Variants in CCDC171 observed in about 807,000 individuals in gnomAD.
CCDC171 encodes coiled-coil domain-containing protein 171.
Under a neutral mutation model 168.2 loss-of-function variants are expected in CCDC171, and 177 were observed. The observed-to-expected ratio is 1.05, with a 90% CI of 0.93 to 1.19. The LOEUF (loss-of-function observed/expected upper bound fraction) is 1.19. CCDC171 is among the 50% of genes most tolerant of loss of function. CCDC171 has a pLI of 0.00. For synonymous variants in CCDC171, 687 were observed against 540.8 expected (o/e 1.27, Z -3.75); for missense variants, 1,991 against 1,539.0 (o/e 1.29, Z -4.91).
chr9:15,629,677 C>T (rs537220792), intron 7 of CCDC171, among the ~76,000 whole-genome samples: 52 of 152,166 alleles, frequency 3.4e-4, no homozygotes, highest in Middle Eastern at 6.8e-3. Flanking sequence ...ATACAGAGAA[C>T]GCCACAAAGA....
chr9:15,918,177 A>G (rs183487240), intron 24 of CCDC171, among the ~76,000 whole-genome samples: 1 of 151,576 alleles, frequency 6.6e-6, no homozygotes, highest in African/African-American at 2.4e-5. Flanking sequence ...AAACTAGATT[A>G]AAAAAAGTAT....
At chr9:15,799,995 G>A (rs1342906360) in intron 21 of CCDC171, among the ~76,000 whole-genome samples, 2 of 152,048 alleles carry the variant, frequency 1.3e-5, no homozygotes, top group African/African-American at 4.8e-5. Flanking sequence ...TTGTGTATAA[G>A]TACCACATTT....
At chr9:15,702,917 T>C (rs62573119) in intron 11 of CCDC171, among the ~76,000 whole-genome samples, 71 of 136,332 alleles carry the variant, frequency 5.2e-4, no homozygotes, top group Admixed American at 4.8e-3. Flanking sequence ...TTTTTTTTTT[T>C]CCCTGAGACG....
At chr9:15,719,007 C>G (rs1384483595) in intron 11 of CCDC171, among the ~76,000 whole-genome samples, 5 of 152,108 alleles carry the variant, frequency 3.3e-5, no homozygotes, top group Non-Finnish European at 4.4e-5. Context: ...GAAACCAACC[C>G]TGGAGATACA....
At chr9:16,031,934 TCCTC>T (rs1833370522) in intron 6 of CCDC171, among the ~76,000 whole-genome samples, 2 of 152,298 alleles carry the variant, frequency 1.3e-5, no homozygotes, top group South Asian at 4.1e-4. Flanking sequence ...AGCTTGCCCT[TCCTC>T]AGTTCCCACT....
the CCDC171 span, among the ~76,000 whole-genome samples, chr9:16,083,967 C>T: frequency 5.3e-5 from 8 of 152,096 alleles, no homozygotes; most frequent in African/African-American, 1.7e-4. Flanking sequence ...AGCAAACAGT[C>T]GATTTTGCTA....
At chr9:15,878,847 G>A (rs769256637) in intron 24 of CCDC171, among the ~76,000 whole-genome samples, 6 of 152,242 alleles carry the variant, frequency 3.9e-5, no homozygotes, top group South Asian at 2.1e-4. Flanking sequence ...AAAGCTGGAG[G>A]CGATCATCCT....
chr9:16,088,960 A>G, the CCDC171 span, among the ~76,000 whole-genome samples: 2 of 152,188 alleles, frequency 1.3e-5, no homozygotes, highest in African/African-American at 4.8e-5. Flanking sequence ...ACTTCAAACT[A>G]TACTACAAGG....
chr9:15,672,112 G>GT (rs1461849654), intron 9 of CCDC171, among the ~76,000 whole-genome samples: 2 of 152,090 alleles, frequency 1.3e-5, no homozygotes, highest in African/African-American at 2.4e-5. Context: ...GATCATGAGC[G>GT]TTTTTTCATA....
intron 7 of CCDC171, among the ~76,000 whole-genome samples, chr9:15,630,519 C>G (rs1587571032): frequency 6.6e-6 from 1 of 152,158 alleles, no homozygotes; most frequent in African/African-American, 2.4e-5. Flanking sequence ...CACGAAGATT[C>G]ATAAAGCAAG....
chr9:16,057,304 C>T (rs1009271889), intron 1 of CCDC171, among the ~76,000 whole-genome samples: 7 of 152,128 alleles, frequency 4.6e-5, no homozygotes, highest in Non-Finnish European at 1.0e-4. Flanking sequence ...GTTCTTGAAG[C>T]CCAGAGGATT....
At chr9:15,680,044 G>T (rs1409740375) in intron 10 of CCDC171, among the ~76,000 whole-genome samples, 3 of 151,944 alleles carry the variant, frequency 2.0e-5, no homozygotes, top group African/African-American at 7.3e-5. Flanking sequence ...TTAAAATTCT[G>T]TGCCTCCTCA....
At chr9:16,001,365 C>T (rs1175123978) in intron 3 of CCDC171, among the ~76,000 whole-genome samples, 1 of 152,022 alleles carries the variant, frequency 6.6e-6, no homozygotes, top group African/African-American at 2.4e-5. Context: ...TTCCTCTATA[C>T]TTTGCCCAAG....
chr9:15,683,078 T>C lies in CCDC171; in HGVS notation c.1215+4182T>C, dbSNP rs183468448. On this transcript the variant is annotated intron_variant, in intron 10 of 25. Coordinates refer to ENST00000380701, the MANE Select transcript of CCDC171 (RefSeq NM_173550.4). ...CAATGAAATTTTCTTAAGTCCGTCA[T>C]TTCTTGAGATTTGTTTTCCTGCCAC... Among the ~76,000 whole-genome samples, 19 of 152,176 alleles carry C rather than the reference T, an allele frequency of 1.2e-4. No individual in the cohort carries two copies. In the East Asian group the frequency reaches 3.3e-3, roughly 26 times the overall value.
rs181371751 is a variant in CCDC171 at position 15,739,777 on chromosome 9, G to A, written c.2050-4496G>A. ...TTTTGATACCAAGTCTCACTCTGTC[G>A]CCCAAGCTGGAGTGCAGTGGCACGA... On this transcript the variant is annotated intron_variant, in intron 16 of 25. Transcript: ENST00000380701. Among the ~76,000 whole-genome samples the A allele has an allele frequency of 4.7e-4, 69 of 147,520 alleles. 1 individual carries two copies. Among genetic ancestry groups the A allele is most frequent in the South Asian group, 1.1e-3 (5 of 4,684 alleles).
chr9:15,727,887 C>A lies in CCDC171; in HGVS notation c.1711C>A (p.His571Asn). ...CCTGCAGGAGAAGCTAACCTTCCTT[C>A]ACACCTTATATCAGCACTTGGTAGC... is the stretch of plus-strand genomic sequence containing the variant. ...KDAEEKLTFL[H>N]TLYQHLVAGC... is the part of the protein sequence containing the mutation. Residue 571 changes from histidine to asparagine, a missense_variant, in exon 15 of 26, where the codon CAC (histidine) becomes AAC (asparagine). By Grantham distance (68) the His-to-Asn change is moderately conservative. Coordinates refer to ENST00000380701, the MANE Select transcript of CCDC171 (RefSeq NM_173550.4). The A allele has an allele frequency of 6.2e-7, 1 of 1,608,758 alleles. No individual in the cohort carries two copies. Among genetic ancestry groups the A allele is most frequent in the Non-Finnish European group, 8.5e-7 (1 of 1,178,008 alleles).
At chr9:16,001,837 C>CTTTT (rs35583305) in intron 3 of CCDC171, among the ~76,000 whole-genome samples, 2 of 128,022 alleles carry the variant, frequency 1.6e-5, no homozygotes, top group Non-Finnish European at 3.3e-5. Flanking sequence ...GATTTATTAT[C>CTTTT]TTTTTTTTTT....
intron 21 of CCDC171, among the ~76,000 whole-genome samples, chr9:15,818,880 A>T (rs537485439): frequency 8.5e-6 from 1 of 117,144 alleles, no homozygotes; most frequent in East Asian, 2.1e-4. Context: ...CAACTCTGAG[A>T]CACATAATTG....
intron 3 of CCDC171, among the ~76,000 whole-genome samples, chr9:16,008,864 C>T (rs1381768567): frequency 1.3e-5 from 2 of 152,156 alleles, no homozygotes; most frequent in Non-Finnish European, 2.9e-5. Flanking sequence ...ATCTATAAAA[C>T]ATCACCTGGC....
Sources: gnomAD v4.1 joint callset for allele counts (sites outside exome capture counted in the v4.1 genomes callset) on GRCh38, gnomAD v4.1.1 for gene constraint, MANE v1.5 for transcripts, NCBI Gene and HGNC (gene_info 2026-07-23, HGNC 2026-07-21) for gene names.